The following MMP26 variants were observed in gnomAD, a reference collection of about 807,000 sequenced individuals.
The protein encoded by MMP26 is matrix metallopeptidase 26.
A neutral mutation model predicts 31.0 loss-of-function variants in MMP26; 33 were observed. The ratio of observed to expected loss-of-function variants is 1.06; its 90% CI spans 0.81 to 1.42. The LOEUF is 1.42. MMP26 is among the 40% of genes most tolerant of loss of function. The pLI, the probability that MMP26 is intolerant of heterozygous loss-of-function variation, is 0.00. For synonymous variants in MMP26, 122 were observed against 114.9 expected, an observed-to-expected ratio of 1.06 and a Z score of -0.40; for missense variants, 347 against 316.1, an observed-to-expected ratio of 1.10 and a Z score of -0.74.
intron 1 of MMP26, chr11:4,710,988 G>T (rs1291716077): frequency 6.6e-6 from 1 of 152,604 alleles, no homozygotes; most frequent in Admixed American, 6.5e-5. Context: ...ATTAATAAAA[G>T]GACTACTTTC....
rs533728098 is a variant in MMP26 at position 4,790,421 on chromosome 11, T to A, written c.-145+23080T>A. Among the ~76,000 whole-genome samples the A allele has an allele frequency of 5.9e-5, 9 of 152,324 alleles. No homozygotes were observed. The South Asian group carries it at 1.7e-3, about 28-fold the overall frequency. On this transcript the variant is annotated intron_variant, in intron 2 of 7. Transcript: ENST00000380390. ...GATTTTGAGGAAAAACTCAGCATAT[T>A]TATGATGTTGCTGGAGTTTCTCCCA... is the stretch of plus-strand genomic sequence containing the variant.
intron 2 of MMP26, among the ~76,000 whole-genome samples, chr11:4,924,619 C>A (rs949131928): frequency 6.6e-6 from 1 of 152,098 alleles, no homozygotes; most frequent in African/African-American, 2.4e-5. Flanking sequence ...GAAAACAATT[C>A]TAGAAAAGGG....
chr11:4,817,475 T>C (rs1564787403), intron 2 of MMP26, among the ~76,000 whole-genome samples: 1 of 152,068 alleles, frequency 6.6e-6, no homozygotes, highest in Admixed American at 6.6e-5. Context: ...TAGTCCAAGT[T>C]GCTAGGGATG....
intron 2 of MMP26, among the ~76,000 whole-genome samples, chr11:4,852,955 A>T (rs768260526): frequency 6.6e-6 from 1 of 152,210 alleles, no homozygotes; most frequent in African/African-American, 2.4e-5. Context: ...CAGACACAGT[A>T]AGAAAAATGC....
At chr11:4,956,424 A>G (rs960663552) in intron 2 of MMP26, among the ~76,000 whole-genome samples, 7 of 152,220 alleles carry the variant, frequency 4.6e-5, no homozygotes, top group Admixed American at 4.6e-4. Flanking sequence ...GGAAACTAAA[A>G]CAACATCTAG....
chr11:4,889,357 T>C (rs533289314), intron 2 of MMP26, among the ~76,000 whole-genome samples: 9 of 152,304 alleles, frequency 5.9e-5, no homozygotes, highest in East Asian at 1.9e-4. Context: ...ATAGTTGTTA[T>C]GCTGTATTGT....
At position 4,977,188 on chromosome 11, in the gene MMP26, T is replaced by C. The variant is rs536841668; in HGVS notation, c.-144-10880T>C. On this transcript the variant is annotated intron_variant, in intron 2 of 7. Transcript: ENST00000380390. ...GATGTTGTTGCACGTTGAAATCCCT[T>C]TGAAATAAACATTGAGCTAAACATT... Among the ~76,000 whole-genome samples, 568 of 152,296 alleles carry C rather than the reference T, an allele frequency of 3.7e-3. 2 individuals carry two copies. The highest frequency in any genetic ancestry group is 0.013 in the African/African-American group (555 of 41,570).
chr11:4,903,275 C>T (rs2133560774), intron 2 of MMP26, among the ~76,000 whole-genome samples: 1 of 152,000 alleles, frequency 6.6e-6, no homozygotes, highest in East Asian at 1.9e-4. Flanking sequence ...GTACGACAGG[C>T]TATGTCTATT....
rs551485850 is a variant in MMP26 at position 4,884,488 on chromosome 11, A to G, written c.-144-103580A>G. Among the ~76,000 whole-genome samples the G allele has an allele frequency of 2.6e-5, 4 of 152,252 alleles. No individual in the cohort carries two copies. In the East Asian group the frequency reaches 7.7e-4, roughly 29 times the overall value. On this transcript the variant is annotated intron_variant, in intron 2 of 7. Coordinates refer to ENST00000380390, the MANE Select transcript of MMP26 (RefSeq NM_021801.5). The stretch of plus-strand genomic sequence containing the variant: ...TATTATTCAAAAGTGCAAGAAGCCA[A>G]AGATATATCTAGTTTCTAGACATCT...
chr11:4,972,869 G>C (rs937448395), intron 2 of MMP26: 1 of 152,140 alleles, frequency 6.6e-6, no homozygotes, highest in Non-Finnish European at 1.5e-5. Context: ...GATTAACATA[G>C]TATGTTTTCT....
chr11:4,794,732 C>G (rs1344265393), intron 2 of MMP26, among the ~76,000 whole-genome samples: 1 of 152,150 alleles, frequency 6.6e-6, no homozygotes, highest in Non-Finnish European at 1.5e-5. Context: ...TGAGGGTAAC[C>G]AAGCAGTCCC....
chr11:4,784,678 CT>C (rs576932500), intron 2 of MMP26, among the ~76,000 whole-genome samples: 1 of 152,094 alleles, frequency 6.6e-6, no homozygotes, highest in Non-Finnish European at 1.5e-5. Flanking sequence ...CTCTTGACAC[CT>C]TGATTTTGGA....
chr11:4,874,505 T>C (rs11034429), intron 2 of MMP26, among the ~76,000 whole-genome samples: 44,758 of 151,758 alleles, frequency 0.29, 8,635 homozygotes, highest in Non-Finnish European at 0.42. Context: ...TTTTCAAAAA[T>C]ATCTGAATTC....
intron 2 of MMP26, among the ~76,000 whole-genome samples, chr11:4,895,179 T>A (rs1057153400): frequency 1.3e-5 from 2 of 152,238 alleles, no homozygotes; most frequent in Admixed American, 1.3e-4. Context: ...AGTATTAAAA[T>A]TCAGCATCAT....
At chr11:4,832,972 TCTTGCTGGTACCACC>T (rs1169343441) in intron 2 of MMP26, 1 of 156,234 alleles carries the variant, frequency 6.4e-6, no homozygotes, top group Non-Finnish European at 1.4e-5. Flanking sequence ...GCAGATGCAT[TCTTGCTGGTACCACC>T]CTTGATGAAT....
chr11:4,760,460 G>A lies in MMP26; in HGVS notation c.-216-6810G>A, dbSNP rs549775841. 3.9e-5 allele frequency among the ~76,000 whole-genome samples: 6 copies of A among 152,294 alleles called. No individual in the cohort carries two copies. In the East Asian group the frequency reaches 1.2e-3, roughly 29 times the overall value. ...TGAGATAACCAGCCTTAATATTTGA[G>A]GCTTTGGCTGAAATATGAGCCAGGT... On this transcript the variant is annotated intron_variant, in intron 1 of 7. Coordinates refer to ENST00000380390, the MANE Select transcript of MMP26 (RefSeq NM_021801.5).
intron 2 of MMP26, among the ~76,000 whole-genome samples, chr11:4,808,631 G>A (rs370664078): frequency 3.6e-4 from 54 of 152,024 alleles, no homozygotes; most frequent in African/African-American, 1.3e-3. Flanking sequence ...ACCAGTTTCT[G>A]TCTTCCCATT....
intron 2 of MMP26, among the ~76,000 whole-genome samples, chr11:4,782,641 C>G (rs999491799): frequency 6.6e-6 from 1 of 152,054 alleles, no homozygotes; most frequent in African/African-American, 2.4e-5. Flanking sequence ...CCCAAGACAA[C>G]GGGGAAAATG....
At position 4,768,568 on chromosome 11, in the gene MMP26, G is replaced by A. The variant is rs1848661257; in HGVS notation, c.-145+1227G>A. 2.6e-5 allele frequency among the ~76,000 whole-genome samples: 4 copies of A among 152,204 alleles called. No homozygotes were observed. The South Asian group carries it at 8.3e-4, about 31-fold the overall frequency. ...GGTTCAAATCTCAACTGTGCCTCAT[G>A]TTATTCACATGGCCTTTGGGGGCCT... On this transcript the variant is annotated intron_variant, in intron 2 of 7. Coordinates refer to ENST00000380390, the MANE Select transcript of MMP26 (RefSeq NM_021801.5).
Sources: allele counts gnomAD v4.1 joint callset (sites outside exome capture counted in the v4.1 genomes callset), GRCh38; gene constraint gnomAD v4.1.1; transcripts MANE v1.5; gene names NCBI Gene and HGNC (gene_info 2026-07-23, HGNC 2026-07-21).